Variants in LATS2 observed in about 807,000 individuals in gnomAD.
LATS2 encodes the protein large tumor suppressor kinase 2, also known as serine/threonine-protein kinase LATS2.
Under a neutral mutation model 76.0 loss-of-function variants are expected in LATS2, and 24 were observed. The ratio of observed to expected loss-of-function variants is 0.32; its 90% CI spans 0.23 to 0.44. The LOEUF (loss-of-function observed/expected upper bound fraction) is 0.44, where lower values mean the gene tolerates loss of function less well. LATS2 is among the 20% of genes least tolerant of loss of function. The pLI, the probability that LATS2 is intolerant of heterozygous loss-of-function variation, is 1.00. For missense variants in LATS2, 1,286 were observed against 1,481.2 expected (o/e 0.87, Z 2.16); for synonymous variants, 692 against 635.4 (o/e 1.09, Z -1.34).
intron 2 of LATS2, among the ~76,000 whole-genome samples, chr13:20,993,873 C>G (rs1870621194): frequency 6.6e-6 from 1 of 152,080 alleles, no homozygotes; most frequent in African/African-American, 2.4e-5. Flanking sequence ...CTTTTGGCGC[C>G]CATTAAAAAA....
At chr13:20,985,708 A>C (rs1870109058) in intron 4 of LATS2, among the ~76,000 whole-genome samples, 1 of 152,084 alleles carries the variant, frequency 6.6e-6, no homozygotes, top group Admixed American at 6.6e-5. Context: ...ACTGCACTCC[A>C]GCCTGGGCAA....
At chr13:21,026,820 A>C (rs956118436) in intron 2 of LATS2, among the ~76,000 whole-genome samples, 3 of 152,180 alleles carry the variant, frequency 2.0e-5, no homozygotes, top group African/African-American at 7.2e-5. Flanking sequence ...TTAGTAAATA[A>C]ACTGCTTTAC....
intron 2 of LATS2, among the ~76,000 whole-genome samples, chr13:21,004,628 C>T (rs971255943): frequency 3.3e-5 from 5 of 152,152 alleles, no homozygotes; most frequent in Non-Finnish European, 5.9e-5. Context: ...GCTTCCTGGC[C>T]CCCTGCCTCC....
chr13:21,002,508 G>T (rs1871096974), intron 2 of LATS2, among the ~76,000 whole-genome samples: 2 of 151,388 alleles, frequency 1.3e-5, no homozygotes, highest in Non-Finnish European at 2.9e-5. Flanking sequence ...CAGAGTAGTT[G>T]GGACTACAGG....
rs1304837200 is a variant in LATS2 at position 21,024,318 on chromosome 13, C to T, written c.342+21367G>A. The stretch of plus-strand genomic sequence containing the variant: ...GGTGTGGTAGCACATGCCTGGTAAT[C>T]CCAACTACTGAGGAGACTGAGGCAG... On this transcript the variant is annotated intron_variant, in intron 2 of 7. Transcript: ENST00000382592. 2.0e-5 allele frequency among the ~76,000 whole-genome samples: 3 copies of T among 151,510 alleles called. 1 individual carries two copies. The highest frequency in any genetic ancestry group is 2.0e-4 in the Admixed American group (3 of 15,208).
chr13:21,010,906 G>A (rs1871567097), intron 2 of LATS2, among the ~76,000 whole-genome samples: 1 of 152,236 alleles, frequency 6.6e-6, no homozygotes, highest in Non-Finnish European at 1.5e-5. Flanking sequence ...ATGGACCTGA[G>A]TGAGAACATG....
At chr13:21,029,730 G>A (rs1284789319) in intron 2 of LATS2, among the ~76,000 whole-genome samples, 1 of 152,146 alleles carries the variant, frequency 6.6e-6, no homozygotes, top group Non-Finnish European at 1.5e-5. Flanking sequence ...GGCAGAGGTT[G>A]CAGTGGGCCA....
At chr13:21,037,644 T>C (rs533242888) in intron 2 of LATS2, among the ~76,000 whole-genome samples, 2 of 152,228 alleles carry the variant, frequency 1.3e-5, no homozygotes, top group East Asian at 1.9e-4. Context: ...GAGAAAATTA[T>C]GGTGTCACGG....
At position 20,981,594 on chromosome 13, in the gene LATS2, G is replaced by A. The variant is rs1486512372; in HGVS notation, c.2537C>T (p.Ser846Phe). ...MEPSDLWDDV[S>F]NCRCGDRLKT... Reference sequence around the variant, plus strand: ...CAGCCTGTCCCCACACCGACAGTTAGACACATCATCCCAGAGGTCGCTGGG... The same window carrying A: ...CAGCCTGTCCCCACACCGACAGTTAAACACATCATCCCAGAGGTCGCTGGG... Residue 846 changes from serine to phenylalanine, a missense_variant, in exon 6 of 8, where the codon TCT (serine) becomes TTT (phenylalanine). Transcript: ENST00000382592. 1 of 1,614,106 alleles carries A rather than the reference G, an allele frequency of 6.2e-7. No homozygotes were observed. The highest frequency in any genetic ancestry group is 1.3e-5 in the African/African-American group (1 of 74,952).
intron 2 of LATS2, among the ~76,000 whole-genome samples, chr13:21,004,172 C>T (rs533433834): frequency 1.6e-4 from 25 of 152,294 alleles, no homozygotes; most frequent in Admixed American, 5.2e-4. Flanking sequence ...CAGTGGCTCA[C>T]GCCTCACCAA....
At chr13:21,048,602 C>A (rs543204870) in intron 1 of LATS2, among the ~76,000 whole-genome samples, 1 of 152,072 alleles carries the variant, frequency 6.6e-6, no homozygotes, top group Admixed American at 6.6e-5. Context: ...GAGGTCAAGG[C>A]GGGCGGATCA....
At chr13:20,981,060 G>C (rs1869850220) in intron 6 of LATS2, among the ~76,000 whole-genome samples, 1 of 152,196 alleles carries the variant, frequency 6.6e-6, no homozygotes, top group African/African-American at 2.4e-5. Flanking sequence ...TAAGCACCCA[G>C]CTGCACACGG....
chr13:21,045,865 G>A lies in LATS2; in HGVS notation c.162C>T (p.Ser54=). 1.2e-6 allele frequency: 2 copies of A among 1,614,152 alleles called. No individual in the cohort carries two copies. The highest frequency in any genetic ancestry group is 1.7e-6 in the Non-Finnish European group (2 of 1,180,034). Residue 54 remains serine (S), a synonymous_variant, in exon 2 of 8, where the codon AGC becomes AGT. Transcript: ENST00000382592. ...DTSLDAKVLG[S]KDATRQQQQM... ...GCTGCTGCTGCCTGGTGGCATCTTT[G>A]CTCCCCAGGACTTTGGCATCCAGGG...
chr13:20,983,359 G>A lies in LATS2; in HGVS notation c.2347C>T (p.His783Tyr). The A allele has an allele frequency of 6.2e-7, 1 of 1,610,762 alleles. No homozygotes were observed. Among genetic ancestry groups the A allele is most frequent in the Non-Finnish European group, 8.5e-7 (1 of 1,178,734 alleles). The stretch of plus-strand genomic sequence containing the variant: ...TCTCGGTGGATGAAGCCCATCTTGT[G>A]GACACTCTCAATGGCCAAAGTCAGC... ...AELTLAIESV[H>Y]KMGFIHRDIK... The change falls in exon 5 of 8, where the codon CAC becomes TAC. Residue 783 changes from histidine (H) to tyrosine (Y), a missense_variant. Around this residue, in one of 5 missense-constraint regions of LATS2, gnomAD observed 247 missense variants for 385.4 expected, o/e 0.64. Coordinates refer to ENST00000382592, the MANE Select transcript of LATS2 (RefSeq NM_014572.3).
intron 1 of LATS2, among the ~76,000 whole-genome samples, chr13:21,048,195 C>T (rs1191596576): frequency 6.6e-6 from 1 of 152,192 alleles, no homozygotes; most frequent in East Asian, 1.9e-4. Flanking sequence ...CTTTGTAAAA[C>T]CGTAACTTCA....
intron 2 of LATS2, among the ~76,000 whole-genome samples, chr13:21,025,413 A>AAAAAC (rs367560172): frequency 7.1e-6 from 1 of 140,210 alleles, no homozygotes; most frequent in Non-Finnish European, 1.5e-5. Context: ...AAAAAAAAAA[A>AAAAAC]ATTATGGTCA....
At chr13:21,012,848 G>A (rs556305690) in intron 2 of LATS2, among the ~76,000 whole-genome samples, 1 of 152,078 alleles carries the variant, frequency 6.6e-6, no homozygotes, top group African/African-American at 2.4e-5. Context: ...AACAAACTGA[G>A]GCTAAAATAG....
intron 1 of LATS2, among the ~76,000 whole-genome samples, chr13:21,054,804 T>G (rs7325126): frequency 0.69 from 104,528 of 152,066 alleles, 37,412 homozygotes; most frequent in East Asian, 0.86. Context: ...ATGAAAAATG[T>G]CAAACATACA....
intron 2 of LATS2, among the ~76,000 whole-genome samples, chr13:21,012,886 A>G (rs1023194677): frequency 2.0e-5 from 3 of 152,190 alleles, no homozygotes; most frequent in African/African-American, 7.2e-5. Flanking sequence ...AGTTACAAAG[A>G]TAACATGGAT....
Sources: gnomAD v4.1 joint callset for allele counts (sites outside exome capture counted in the v4.1 genomes callset) on GRCh38, gnomAD v4.1.1 for gene constraint, gnomAD v4.1.1 regional missense constraint, MANE v1.5 for transcripts, NCBI Gene and HGNC (gene_info 2026-07-23, HGNC 2026-07-21) for gene names.